RSF1: variants seen among roughly 807,000 people sequenced by gnomAD.
RSF1 encodes remodeling and spacing factor 1.
A neutral mutation model predicts 145.2 loss-of-function variants in RSF1; 13 were observed. The ratio of observed to expected loss-of-function variants is 0.09; its 90% CI spans 0.06 to 0.14. RSF1 has a LOEUF of 0.14. RSF1 is among the 10% of genes least tolerant of loss of function. The pLI is 1.00. For synonymous variants in RSF1, 577 were observed against 592.6 expected (o/e 0.97, Z 0.38); for missense variants, 1,517 against 1,718.2 (o/e 0.88, Z 2.07).
chr11:77,820,537 T>C lies in RSF1; in HGVS notation c.178A>G (p.Asn60Asp). The part of the protein sequence containing the change: ...VLQAPPPDVG[N>D]GEVPKELVEL... Reference sequence around the variant, plus strand: ...CGGGCCCCTCGCTTACCTTCTCCGTTGCCGACGTCCGGCGGCGGCGCCTGC... The same window carrying C: ...CGGGCCCCTCGCTTACCTTCTCCGTCGCCGACGTCCGGCGGCGGCGCCTGC... Residue 60 changes from asparagine to aspartate, a missense_variant, in exon 1 of 16, where the codon AAC becomes GAC. Coordinates refer to ENST00000308488, the MANE Select transcript of RSF1 (RefSeq NM_016578.4). 6.5e-7 allele frequency: 1 copy of C among 1,548,078 alleles called. No individual in the cohort carries two copies. Among genetic ancestry groups the C allele is most frequent in the South Asian group, 1.2e-5 (1 of 83,968 alleles).
chr11:77,730,850 T>C (rs894995035), intron 4 of RSF1, among the ~76,000 whole-genome samples: 3 of 152,212 alleles, frequency 2.0e-5, no homozygotes, highest in South Asian at 4.1e-4. Flanking sequence ...ATGATTTTGA[T>C]GCCTCCCCAG....
chr11:77,668,540 T>G (rs559305512), intron 15 of RSF1, among the ~76,000 whole-genome samples: 2 of 152,174 alleles, frequency 1.3e-5, no homozygotes, highest in Non-Finnish European at 2.9e-5. Context: ...TTTGTCTATA[T>G]AGTTGGGCCC....
intron 9 of RSF1, among the ~76,000 whole-genome samples, chr11:77,686,321 T>C (rs1960002332): frequency 6.8e-6 from 1 of 146,512 alleles, no homozygotes; most frequent in South Asian, 2.1e-4. Context: ...GATGGGAAGA[T>C]TACTTGAACT....
At chr11:77,788,701 G>GA (rs1373659876) in intron 1 of RSF1, among the ~76,000 whole-genome samples, 2 of 151,542 alleles carry the variant, frequency 1.3e-5, no homozygotes, top group African/African-American at 2.4e-5. Flanking sequence ...AAACAAAAAG[G>GA]AAAAAAAATT....
chr11:77,869,611 C>A, the RSF1 span: 1 of 1,070,444 alleles, frequency 9.3e-7, no homozygotes, highest in Non-Finnish European at 1.4e-6. Flanking sequence ...TGATGCTTGG[C>A]ACAAAGTGAA....
chr11:77,798,955 A>C (rs1296133927), intron 1 of RSF1, among the ~76,000 whole-genome samples: 1 of 146,810 alleles, frequency 6.8e-6, no homozygotes, highest in African/African-American at 2.6e-5. Context: ...CCAAAACTTA[A>C]AGTATAATTA....
intron 2 of RSF1, among the ~76,000 whole-genome samples, chr11:77,760,782 C>A (rs1948162862): frequency 6.6e-6 from 1 of 152,090 alleles, no homozygotes; most frequent in Non-Finnish European, 1.5e-5. Context: ...CCATCTATTG[C>A]CAAATTTATT....
chr11:77,677,951 G>T, intron 12 of RSF1, 135 bp downstream of exon 12: 1 of 583,526 alleles, frequency 1.7e-6, no homozygotes, highest in Non-Finnish European at 3.1e-6. Flanking sequence ...CTAAATCTGA[G>T]ACAACTAACA....
chr11:77,692,233 A>ATTTTTTTTTTTTTTT lies in RSF1; in HGVS notation c.2821-1010_2821-996dup, dbSNP rs71046904. 2.6e-3 allele frequency among the ~76,000 whole-genome samples: 127 copies of ATTTTTTTTTTTTTTT among 49,474 alleles called. 20 individuals are homozygous for ATTTTTTTTTTTTTTT. The highest frequency in any genetic ancestry group is 2.6e-3 in the Non-Finnish European group (81 of 30,692). 32.5% of individuals were successfully genotyped at this position (49,474 alleles called of 152,430 possible). On this transcript the variant is annotated intron_variant, in intron 8 of 15. Transcript: ENST00000308488. ...AAAAAATAATTATTACTACTTTTAA[A>ATTTTTTTTTTTTTTT]TTTTTTTTTTTTTTTTTTTTTTTTT...
chr11:77,671,367 G>C (rs556106138), intron 15 of RSF1, among the ~76,000 whole-genome samples: 17 of 151,100 alleles, frequency 1.1e-4, no homozygotes, highest in African/African-American at 4.1e-4. Flanking sequence ...CAAGGTGAAA[G>C]AGACAGTAGG....
At chr11:77,840,504 G>T in the RSF1 span, among the ~76,000 whole-genome samples, 2 of 152,288 alleles carry the variant, frequency 1.3e-5, no homozygotes, top group South Asian at 4.1e-4. Flanking sequence ...ACTCCAGCCT[G>T]GGCAACAGAG....
At chr11:77,742,413 G>A (rs1488178018) in intron 3 of RSF1, among the ~76,000 whole-genome samples, 1 of 152,060 alleles carries the variant, frequency 6.6e-6, no homozygotes, top group African/African-American at 2.4e-5. Flanking sequence ...CTGAGTAGCT[G>A]GGACTACAGG....
chr11:77,735,110 G>A (rs1459563912), intron 4 of RSF1: 2 of 797,838 alleles, frequency 2.5e-6, no homozygotes, highest in African/African-American at 1.7e-5. Flanking sequence ...CGGTCTGAGG[G>A]TGCCGTGAAG....
chr11:77,697,088 T>C (rs911911603), intron 7 of RSF1, among the ~76,000 whole-genome samples: 6 of 152,064 alleles, frequency 3.9e-5, no homozygotes, highest in African/African-American at 1.2e-4. Flanking sequence ...CACCTTACAA[T>C]AAAGAAATCA....
chr11:77,765,951 T>C (rs1948221089), intron 1 of RSF1, among the ~76,000 whole-genome samples: 1 of 152,142 alleles, frequency 6.6e-6, no homozygotes, highest in Admixed American at 6.5e-5. Context: ...TTTCACCACG[T>C]TGGCCAGGCT....
chr11:77,825,217 T>C (rs629679), upstream of RSF1, among the ~76,000 whole-genome samples: 117,819 of 151,678 alleles, frequency 0.78, 45,832 homozygotes, highest in East Asian at 0.91. Context: ...CTCCTGACCT[T>C]GTGATCTGCT....
At chr11:77,858,932 T>A in the RSF1 span, among the ~76,000 whole-genome samples, 8 of 152,350 alleles carry the variant, frequency 5.3e-5, no homozygotes, top group South Asian at 1.7e-3. Context: ...ATGCATGGCC[T>A]GCAGTGCAGG....
Position 77,667,052 on chromosome 11 carries a change from G to A in RSF1, c.4191C>T (p.Asn1397=). 1.9e-6 allele frequency: 3 copies of A among 1,614,096 alleles called. No individual in the cohort carries two copies. Among genetic ancestry groups the A allele is most frequent in the Non-Finnish European group, 2.5e-6 (3 of 1,179,956 alleles). ...PTEKSQTPKD[N]STASASLASN... is the part of the protein sequence containing the mutation. Reference sequence around the variant, plus strand: ...AGGCTAGGCTTGCACTGGCTGTGCTGTTGTCCTTGGGGGTCTGAGACTTCT... The same window carrying A: ...AGGCTAGGCTTGCACTGGCTGTGCTATTGTCCTTGGGGGTCTGAGACTTCT... The change falls in exon 16 of 16, where the codon AAC becomes AAT. Residue 1397 remains asparagine (N), a synonymous_variant. Coordinates refer to ENST00000308488, the MANE Select transcript of RSF1 (RefSeq NM_016578.4).
At chr11:77,776,663 T>C (rs2135950923) in intron 1 of RSF1, among the ~76,000 whole-genome samples, 1 of 152,284 alleles carries the variant, frequency 6.6e-6, no homozygotes, top group East Asian at 1.9e-4. Flanking sequence ...ATGTCTTACT[T>C]AAAGAAAAAT....
Sources: allele counts gnomAD v4.1 joint callset (sites outside exome capture counted in the v4.1 genomes callset), GRCh38; gene constraint gnomAD v4.1.1; transcripts MANE v1.5; gene names NCBI Gene and HGNC (gene_info 2026-07-23, HGNC 2026-07-21).